SUSD6: variants seen among roughly 807,000 people sequenced by gnomAD.
The protein encoded by SUSD6 is sushi domain containing 6.
In SUSD6, 16 loss-of-function variants were observed where a neutral mutation model predicts 28.4. The observed-to-expected ratio is 0.56, with a 90% CI of 0.38 to 0.86. The LOEUF is 0.86. Among genes scored for constraint, SUSD6 ranks in the 40% least tolerant of loss-of-function variants. The probability of loss-of-function intolerance (pLI) is 0.00; values close to 1 mark genes in which losing one functional copy is unlikely to be tolerated. For synonymous variants in SUSD6, 147 were observed against 159.6 expected, an observed-to-expected ratio of 0.92 and a Z score of 0.59; for missense variants, 341 against 384.2, an observed-to-expected ratio of 0.89 and a Z score of 0.94.
At chr14:69,673,778 G>A (rs1048646549) in intron 2 of SUSD6, among the ~76,000 whole-genome samples, 11 of 152,138 alleles carry the variant, frequency 7.2e-5, no homozygotes, top group Admixed American at 1.3e-4. Context: ...TATGAAGAAC[G>A]GGACCCTGAG....
intron 3 of SUSD6, among the ~76,000 whole-genome samples, 175 bp from the exon 4 acceptor site, chr14:69,704,429 C>G (rs1284539859): frequency 6.6e-6 from 1 of 152,088 alleles, no homozygotes; most frequent in Non-Finnish European, 1.5e-5. Flanking sequence ...GGTCCTTTTC[C>G]AAAAGAACTG....
chr14:69,690,906 C>G (rs552013499), intron 2 of SUSD6, among the ~76,000 whole-genome samples: 3 of 152,202 alleles, frequency 2.0e-5, no homozygotes, highest in Non-Finnish European at 2.9e-5. Context: ...CTTCTCCCCC[C>G]GCACCAAAAA....
intron 2 of SUSD6, among the ~76,000 whole-genome samples, chr14:69,702,774 G>A (rs1192132001): frequency 6.6e-6 from 1 of 152,212 alleles, no homozygotes; most frequent in Non-Finnish European, 1.5e-5. Context: ...GGACAAATAA[G>A]GCGGGAGGTG....
intron 1 of SUSD6, among the ~76,000 whole-genome samples, chr14:69,615,179 G>A (rs1884941101): frequency 6.6e-6 from 1 of 152,178 alleles, no homozygotes; most frequent in Admixed American, 6.5e-5. Flanking sequence ...TTGGTTAAAT[G>A]TAAGCTTTGG....
rs115337917 is a variant in SUSD6 at position 69,670,018 on chromosome 14, G to T, written c.121+11305G>T. Among the ~76,000 whole-genome samples, 1,285 of 152,324 alleles carry T rather than the reference G, an allele frequency of 8.4e-3. 12 individuals are homozygous for T. Among genetic ancestry groups the T allele is most frequent in the African/African-American group, 0.029 (1,221 of 41,562 alleles). On this transcript the variant is annotated intron_variant, in intron 2 of 5. Coordinates refer to ENST00000342745, the MANE Select transcript of SUSD6 (RefSeq NM_014734.4). ...GTTCTGTACATCATGGTACATGAAC[G>T]CTATAGACCTTGCTCCAAACCCTAA...
At chr14:69,684,370 GTAGAA>G (rs1333067380) in intron 2 of SUSD6, among the ~76,000 whole-genome samples, 4 of 152,204 alleles carry the variant, frequency 2.6e-5, no homozygotes, top group Non-Finnish European at 5.9e-5. Flanking sequence ...AGTGTTCTTA[GTAGAA>G]TATGTATCTA....
chr14:69,627,696 C>G (rs1168876783), intron 1 of SUSD6, among the ~76,000 whole-genome samples: 1 of 152,028 alleles, frequency 6.6e-6, no homozygotes, highest in South Asian at 2.1e-4. Context: ...GATCTCCTGA[C>G]CTCATGATCC....
chr14:69,685,145 A>G (rs1213296679), intron 2 of SUSD6, among the ~76,000 whole-genome samples: 2 of 152,216 alleles, frequency 1.3e-5, no homozygotes, highest in East Asian at 3.8e-4. Context: ...CAGCAAGCCC[A>G]GAGTTCAGAA....
chr14:69,613,427 G>T (rs964995162), intron 1 of SUSD6, among the ~76,000 whole-genome samples: 4 of 152,184 alleles, frequency 2.6e-5, no homozygotes, highest in African/African-American at 9.6e-5. Flanking sequence ...GCTGCTTCAG[G>T]CTGTTTCTCA....
At chr14:69,690,532 C>T (rs754333545) in intron 2 of SUSD6, among the ~76,000 whole-genome samples, 66 of 152,098 alleles carry the variant, frequency 4.3e-4, no homozygotes, top group Non-Finnish European at 2.8e-4. Flanking sequence ...TCCAGGAGCA[C>T]GGTATGCTGA....
At chr14:69,637,260 C>T (rs1264904475) in intron 1 of SUSD6, among the ~76,000 whole-genome samples, 3 of 152,086 alleles carry the variant, frequency 2.0e-5, no homozygotes, top group South Asian at 2.1e-4. Context: ...GGGTGCCTCT[C>T]CTTGGTGCTG....
chr14:69,682,028 A>C (rs1032244413), intron 2 of SUSD6, among the ~76,000 whole-genome samples: 9 of 152,182 alleles, frequency 5.9e-5, no homozygotes, highest in African/African-American at 2.2e-4. Context: ...TTTGATTAGT[A>C]GTAGTTTGAG....
At chr14:69,630,691 A>G (rs565656349) in intron 1 of SUSD6, among the ~76,000 whole-genome samples, 4,273 of 152,148 alleles carry the variant, frequency 0.028, 75 homozygotes, top group Middle Eastern at 0.068. Context: ...AAAAAAAAGA[A>G]AAAAACCTCT....
chr14:69,660,045 C>G (rs1333131584), intron 2 of SUSD6, among the ~76,000 whole-genome samples: 1 of 152,136 alleles, frequency 6.6e-6, no homozygotes, highest in Admixed American at 6.5e-5. Context: ...TTGTTAGAAA[C>G]ACATACATGG....
At chr14:69,708,622 G>A in intron 4 of SUSD6, 55 bp from the exon 5 acceptor site, 1 of 1,403,172 alleles carries the variant, frequency 7.1e-7, no homozygotes, top group Non-Finnish European at 9.6e-7. Flanking sequence ...TATCATGCCT[G>A]TTTCTCTGTG....
chr14:69,639,313 C>CAAAAA lies in SUSD6; in HGVS notation c.-80-19178_-80-19174dup, dbSNP rs57837741. 9.3e-3 allele frequency among the ~76,000 whole-genome samples: 508 copies of CAAAAA among 54,514 alleles called. 70 individuals carry two copies. The highest frequency in any genetic ancestry group is 0.076 in the South Asian group (58 of 766). The allele number at this position is 54,514 out of a possible 152,430, so 35.8% of individuals were successfully genotyped here. On this transcript the variant is annotated intron_variant, in intron 1 of 5. Transcript: ENST00000342745. ...TGGGCAACACAGCGAGACTCCGTCT[C>CAAAAA]AAAAAAAAAAAAAAAAAAAAAAAAA...
At chr14:69,667,816 C>A (rs1186815565) in intron 2 of SUSD6, among the ~76,000 whole-genome samples, 1 of 152,156 alleles carries the variant, frequency 6.6e-6, no homozygotes, top group Non-Finnish European at 1.5e-5. Flanking sequence ...GGTTTTATTT[C>A]TTTGGTTTTG....
chr14:69,636,835 G>A (rs1322742732), intron 1 of SUSD6, among the ~76,000 whole-genome samples: 1 of 152,232 alleles, frequency 6.6e-6, no homozygotes, highest in African/African-American at 2.4e-5. Flanking sequence ...TCAGTGGTCA[G>A]ATTCTGATTG....
At chr14:69,630,444 C>T (rs1270381808) in intron 1 of SUSD6, among the ~76,000 whole-genome samples, 1 of 152,156 alleles carries the variant, frequency 6.6e-6, no homozygotes, top group African/African-American at 2.4e-5. Flanking sequence ...TTACTGAAAC[C>T]TTTTCTGAGC....
Sources: allele counts gnomAD v4.1 joint callset (sites outside exome capture counted in the v4.1 genomes callset), GRCh38; gene constraint gnomAD v4.1.1; transcripts MANE v1.5; gene names NCBI Gene and HGNC (gene_info 2026-07-23, HGNC 2026-07-21).